Variants in IQCB1 observed in about 807,000 individuals in gnomAD.
The protein encoded by IQCB1 is IQ calmodulin-binding motif-containing protein 1.
A neutral mutation model predicts 84.4 loss-of-function variants in IQCB1; 56 were observed. That is an observed-to-expected ratio of 0.66 (90% confidence interval 0.54 to 0.83). The LOEUF (loss-of-function observed/expected upper bound fraction) is 0.83, where lower values mean the gene tolerates loss of function less well. Among genes scored for constraint, IQCB1 ranks in the 40% least tolerant of loss-of-function variants. IQCB1 has a pLI of 0.00. For synonymous variants in IQCB1, 210 were observed against 234.8 expected, an observed-to-expected ratio of 0.89 and a Z score of 0.96; for missense variants, 629 against 682.1, an observed-to-expected ratio of 0.92 and a Z score of 0.87.
intron 5 of IQCB1, among the ~76,000 whole-genome samples, chr3:121,820,178 G>T (rs1245967833): frequency 8.6e-5 from 13 of 151,976 alleles, no homozygotes; most frequent in Admixed American, 8.5e-4. Flanking sequence ...AGGGTTAATG[G>T]CTACCATATT....
intron 13 of IQCB1, among the ~76,000 whole-genome samples, chr3:121,780,612 C>T (rs1948429845): frequency 6.6e-6 from 1 of 152,182 alleles, no homozygotes. Flanking sequence ...GCTTTGCTAT[C>T]CAATTCAGGT....
At chr3:121,772,465 G>T in intron 14 of IQCB1, 92 bp downstream of exon 14, 1 of 1,268,942 alleles carries the variant, frequency 7.9e-7, no homozygotes, top group Non-Finnish European at 1.2e-6. Context: ...AGCTAAAGAT[G>T]CTTAGTAATG....
chr3:121,818,310 GC>G (rs1332461106), intron 5 of IQCB1, among the ~76,000 whole-genome samples: 2 of 152,214 alleles, frequency 1.3e-5, no homozygotes, highest in Non-Finnish European at 2.9e-5. Context: ...ATTCATTAAT[GC>G]CCAGTTCCAC....
At chr3:121,826,266 T>C (rs1950464313) in intron 4 of IQCB1, 86 bp from the exon 5 acceptor site, 4 of 1,271,084 alleles carry the variant, frequency 3.1e-6, no homozygotes, top group Non-Finnish European at 3.4e-6. Context: ...ATTGAGAATT[T>C]TTAGTATGCT....
At chr3:121,834,825 G>A (rs895651093) in intron 1 of IQCB1, 141 bp downstream of exon 1, 8 of 239,728 alleles carry the variant, frequency 3.3e-5, no homozygotes, top group Non-Finnish European at 6.7e-5. Flanking sequence ...GATCTCTACA[G>A]AGTGGGCGTG....
chr3:121,811,770 G>A (rs927689135), intron 5 of IQCB1, among the ~76,000 whole-genome samples: 2 of 152,200 alleles, frequency 1.3e-5, no homozygotes, highest in African/African-American at 4.8e-5. Context: ...AGCAGCCCCA[G>A]TAAGAGGCTT....
chr3:121,793,668 C>G (rs141762969), intron 10 of IQCB1, among the ~76,000 whole-genome samples: 35 of 152,214 alleles, frequency 2.3e-4, no homozygotes, highest in African/African-American at 8.4e-4. Flanking sequence ...ACTGGAAAGG[C>G]AACAAACACA....
At chr3:121,822,316 C>A (rs968863035) in intron 5 of IQCB1, among the ~76,000 whole-genome samples, 9 of 152,144 alleles carry the variant, frequency 5.9e-5, no homozygotes. Context: ...TCTGGAGAGA[C>A]CTGACTAATA....
At chr3:121,809,056 CTTT>C (rs35072741) in intron 5 of IQCB1, 47 bp from the exon 6 acceptor site, 88 of 892,906 alleles carry the variant, frequency 9.9e-5, no homozygotes, top group African/African-American at 1.6e-4. Context: ...AGTTTTTTTC[CTTT>C]TTTTTTTTTT....
At chr3:121,813,102 G>A (rs1949896760) in intron 5 of IQCB1, among the ~76,000 whole-genome samples, 2 of 151,984 alleles carry the variant, frequency 1.3e-5, no homozygotes. Flanking sequence ...AAAAGAGAGT[G>A]GGGGCCAATA....
At chr3:121,826,779 C>T (rs747683494) in intron 4 of IQCB1, among the ~76,000 whole-genome samples, 27 of 152,040 alleles carry the variant, frequency 1.8e-4, no homozygotes, top group Non-Finnish European at 3.2e-4. Context: ...GAAAAAGGTC[C>T]TCTTAAAATT....
intron 9 of IQCB1, 26 bp downstream of exon 9, chr3:121,797,091 CA>C: frequency 9.0e-7 from 1 of 1,108,118 alleles, no homozygotes; most frequent in Non-Finnish European, 1.4e-6. Context: ...AAATATCATG[CA>C]ATTTTTTTTT....
chr3:121,828,212 T>C (rs1260539063), intron 4 of IQCB1, among the ~76,000 whole-genome samples: 1 of 152,126 alleles, frequency 6.6e-6, no homozygotes, highest in Non-Finnish European at 1.5e-5. Context: ...ATAAAAAGTA[T>C]ATTAGGCACT....
chr3:121,796,974 G>A (rs1048987501), intron 9 of IQCB1, 144 bp downstream of exon 9: 3 of 647,954 alleles, frequency 4.6e-6, no homozygotes, highest in South Asian at 1.7e-5. Flanking sequence ...TCAACCTCCT[G>A]AGTAAAAAAT....
intron 5 of IQCB1, among the ~76,000 whole-genome samples, chr3:121,824,242 A>G (rs2108632784): frequency 6.6e-6 from 1 of 152,008 alleles, no homozygotes; most frequent in East Asian, 1.9e-4. Context: ...TTTTTTTTTT[A>G]ATCTGAAAAC....
chr3:121,822,425 G>A (rs1402233645), intron 5 of IQCB1, among the ~76,000 whole-genome samples: 1 of 152,100 alleles, frequency 6.6e-6, no homozygotes, highest in Admixed American at 6.6e-5. Context: ...TTGGAGCTTG[G>A]GGCTGCCAGA....
chr3:121,805,363 A>T (rs974482026), intron 7 of IQCB1, among the ~76,000 whole-genome samples: 2 of 138,730 alleles, frequency 1.4e-5, no homozygotes, highest in Non-Finnish European at 3.1e-5. Context: ...AATAGAAAAA[A>T]AGAGTCATCA....
At chr3:121,805,658 T>A (rs578207389) in intron 7 of IQCB1, among the ~76,000 whole-genome samples, 18 of 152,226 alleles carry the variant, frequency 1.2e-4, no homozygotes, top group Non-Finnish European at 2.6e-4. Flanking sequence ...TGACGCACTG[T>A]TTATGAGGCT....
At chr3:121,781,091 G>A (rs1948468369) in intron 13 of IQCB1, among the ~76,000 whole-genome samples, 1 of 152,202 alleles carries the variant, frequency 6.6e-6, no homozygotes, top group African/African-American at 2.4e-5. Context: ...AGAAAGTAGA[G>A]GTAATCAGCA....
Sources: allele counts gnomAD v4.1 joint callset (sites outside exome capture counted in the v4.1 genomes callset), GRCh38; gene constraint gnomAD v4.1.1; transcripts MANE v1.5; gene names NCBI Gene and HGNC (gene_info 2026-07-23, HGNC 2026-07-21).